The following RBMS3 variants were observed in gnomAD, a reference collection of about 807,000 sequenced individuals.
RBMS3 encodes RNA binding motif single stranded interacting protein 3.
RBMS3 carries 27 observed loss-of-function variants against 66.8 expected under a neutral mutation model. The observed-to-expected ratio is 0.40, with a 90% CI of 0.30 to 0.56. The LOEUF (loss-of-function observed/expected upper bound fraction) is 0.56, where lower values mean the gene tolerates loss of function less well. Among genes scored for constraint, RBMS3 ranks in the 20% least tolerant of loss-of-function variants. The probability of loss-of-function intolerance (pLI) is 0.40; values close to 1 mark genes in which losing one functional copy is unlikely to be tolerated. For missense variants in RBMS3, 513 were observed against 549.5 expected (o/e 0.93, Z 0.66); for synonymous variants, 188 against 183.0 (o/e 1.03, Z -0.22).
intron 12 of RBMS3, among the ~76,000 whole-genome samples, chr3:29,964,371 AG>A (rs1696686332): frequency 6.6e-6 from 1 of 152,224 alleles, no homozygotes; most frequent in Non-Finnish European, 1.5e-5. Flanking sequence ...GTAAGAAAGT[AG>A]AGTGGTATGA....
At chr3:29,786,361 G>A (rs2149418760) in intron 6 of RBMS3, among the ~76,000 whole-genome samples, 1 of 152,020 alleles carries the variant, frequency 6.6e-6, no homozygotes, top group South Asian at 2.1e-4. Context: ...AATTCATATG[G>A]AACCAAAACA....
At chr3:29,313,988 A>G (rs1036242992) in intron 1 of RBMS3, among the ~76,000 whole-genome samples, 3 of 151,704 alleles carry the variant, frequency 2.0e-5, no homozygotes, top group South Asian at 2.1e-4. Context: ...GTTATTGCTT[A>G]TCATCTTCTG....
intron 1 of RBMS3, among the ~76,000 whole-genome samples, chr3:29,300,456 A>G (rs1191826725): frequency 6.6e-6 from 1 of 152,024 alleles, no homozygotes; most frequent in Non-Finnish European, 1.5e-5. Flanking sequence ...TATCTTTACA[A>G]AGAACTACTA....
chr3:29,513,251 A>G (rs1352000497), intron 3 of RBMS3, among the ~76,000 whole-genome samples: 1 of 152,266 alleles, frequency 6.6e-6, no homozygotes, highest in East Asian at 1.9e-4. Context: ...TTGAGTTGAA[A>G]ACTGTACTTG....
chr3:29,950,737 C>G (rs1480089138), intron 12 of RBMS3, among the ~76,000 whole-genome samples: 2 of 151,750 alleles, frequency 1.3e-5, no homozygotes, highest in Non-Finnish European at 2.9e-5. Flanking sequence ...ACATTTTAAC[C>G]TCTTCTTTGA....
intron 3 of RBMS3, among the ~76,000 whole-genome samples, chr3:29,511,138 A>G (rs1655313245): frequency 6.6e-6 from 1 of 151,088 alleles, no homozygotes; most frequent in Admixed American, 6.6e-5. Context: ...TCTACTAAAA[A>G]TACAAAAAAT....
intron 1 of RBMS3, among the ~76,000 whole-genome samples, chr3:29,313,232 T>G (rs981667978): frequency 6.6e-6 from 1 of 151,798 alleles, no homozygotes; most frequent in Non-Finnish European, 1.5e-5. Flanking sequence ...TTTCATTTCT[T>G]TGTTGAAACA....
chr3:29,788,167 C>CT (rs112536774), intron 6 of RBMS3, among the ~76,000 whole-genome samples: 22 of 136,342 alleles, frequency 1.6e-4, no homozygotes, highest in Admixed American at 5.1e-4. Flanking sequence ...TAAATCTTGT[C>CT]TTTTTTTTTC....
intron 4 of RBMS3, among the ~76,000 whole-genome samples, chr3:29,588,836 T>A (rs1037728639): frequency 6.6e-6 from 1 of 152,082 alleles, no homozygotes; most frequent in Non-Finnish European, 1.5e-5. Context: ...AAACAAATGA[T>A]GAAATGTAGC....
chr3:29,897,810 T>A (rs2060161097), intron 9 of RBMS3, among the ~76,000 whole-genome samples: 1 of 151,644 alleles, frequency 6.6e-6, no homozygotes. Context: ...CCCTATTGTG[T>A]CTTTTCTAAA....
intron 4 of RBMS3, chr3:29,614,999 T>C (rs192916142): frequency 1.3e-5 from 2 of 152,380 alleles, no homozygotes; most frequent in East Asian, 3.9e-4. Context: ...ATGTATGCTT[T>C]AGAGATCTAA....
At chr3:29,577,980 A>G (rs951823997) in intron 3 of RBMS3, among the ~76,000 whole-genome samples, 2 of 152,202 alleles carry the variant, frequency 1.3e-5, no homozygotes, top group Non-Finnish European at 1.5e-5. Flanking sequence ...GTAGGTTTCT[A>G]TTCTGCCATT....
At chr3:29,654,599 C>CTT (rs373340245) in intron 4 of RBMS3, among the ~76,000 whole-genome samples, 2 of 121,130 alleles carry the variant, frequency 1.7e-5, no homozygotes, top group Admixed American at 8.3e-5. Flanking sequence ...GACTTTTAAA[C>CTT]TTTTTTTTTT....
intron 10 of RBMS3, among the ~76,000 whole-genome samples, chr3:29,931,081 A>G (rs1018183210): frequency 2.0e-5 from 3 of 152,224 alleles, no homozygotes; most frequent in Non-Finnish European, 2.9e-5. Flanking sequence ...ACAAAACAAC[A>G]TAATTTCAAC....
intron 4 of RBMS3, among the ~76,000 whole-genome samples, chr3:29,697,657 A>G (rs1020277997): frequency 6.6e-6 from 1 of 152,210 alleles, no homozygotes; most frequent in East Asian, 1.9e-4. Flanking sequence ...TATTCTGGGT[A>G]TGGGACCCAT....
At chr3:29,640,089 G>T (rs897676075) in intron 4 of RBMS3, among the ~76,000 whole-genome samples, 41 of 151,838 alleles carry the variant, frequency 2.7e-4, no homozygotes, top group Admixed American at 9.9e-4. Flanking sequence ...CTACCTACAG[G>T]TTGATACAAG....
intron 2 of RBMS3, among the ~76,000 whole-genome samples, chr3:29,458,098 T>A (rs1341882646): frequency 2.0e-5 from 3 of 152,190 alleles, no homozygotes; most frequent in Non-Finnish European, 4.4e-5. Flanking sequence ...CCTATAGAAT[T>A]AATTCACAGT....
chr3:29,498,857 G>A (rs911321343), intron 3 of RBMS3, among the ~76,000 whole-genome samples: 4 of 152,148 alleles, frequency 2.6e-5, no homozygotes, highest in African/African-American at 9.7e-5. Flanking sequence ...CATTTTAACT[G>A]TAAGAAATGT....
intron 6 of RBMS3, among the ~76,000 whole-genome samples, chr3:29,810,780 T>C (rs1330310638): frequency 6.6e-6 from 1 of 152,212 alleles, no homozygotes; most frequent in African/African-American, 2.4e-5. Context: ...AAAGCTTTTT[T>C]CCAAGTAACA....
Sources: gnomAD v4.1 joint callset for allele counts (sites outside exome capture counted in the v4.1 genomes callset) on GRCh38, gnomAD v4.1.1 for gene constraint, MANE v1.5 for transcripts, NCBI Gene and HGNC (gene_info 2026-07-23, HGNC 2026-07-21) for gene names.